The following TUSC3 variants were observed in gnomAD, a reference collection of about 807,000 sequenced individuals.
The protein encoded by TUSC3 is dolichyl-diphosphooligosaccharide--protein glycosyltransferase subunit TUSC3.
A neutral mutation model predicts 44.8 loss-of-function variants in TUSC3; 45 were observed. The ratio of observed to expected loss-of-function variants is 1.00; its 90% CI spans 0.79 to 1.29. The LOEUF is 1.29. TUSC3 is among the 50% of genes most tolerant of loss of function. TUSC3 has a pLI of 0.00. For missense variants in TUSC3, 519 were observed against 437.9 expected, an observed-to-expected ratio of 1.19 and a Z score of -1.65; for synonymous variants, 212 against 152.9, an observed-to-expected ratio of 1.39 and a Z score of -2.85.
intron 1 of TUSC3, among the ~76,000 whole-genome samples, chr8:15,420,307 G>C (rs1035022026): frequency 6.6e-6 from 1 of 151,976 alleles, no homozygotes; most frequent in African/African-American, 2.4e-5. Context: ...GACCAGCCTG[G>C]CCAACATGGG....
intron 6 of TUSC3, 35 bp from the exon 7 acceptor site, chr8:15,730,631 C>A (rs376749620): frequency 6.2e-7 from 1 of 1,603,896 alleles, no homozygotes; most frequent in Non-Finnish European, 8.5e-7. Flanking sequence ...ATGAGGCTTT[C>A]TCAGACTGTA....
At chr8:15,562,385 C>T (rs909094457) in intron 1 of TUSC3, among the ~76,000 whole-genome samples, 6 of 152,108 alleles carry the variant, frequency 3.9e-5, no homozygotes, top group African/African-American at 1.4e-4. Context: ...GATGAGTAAT[C>T]CACTTTAAGC....
chr8:15,433,927 T>C (rs1799911878), intron 1 of TUSC3, among the ~76,000 whole-genome samples: 1 of 152,210 alleles, frequency 6.6e-6, no homozygotes, highest in South Asian at 2.1e-4. Context: ...GAATATTTTG[T>C]ACAGAGCTTT....
intron 2 of TUSC3, among the ~76,000 whole-genome samples, chr8:15,515,871 A>G (rs932402604): frequency 4.0e-5 from 6 of 151,892 alleles, no homozygotes; most frequent in Admixed American, 2.0e-4. Flanking sequence ...GAGTTTCACC[A>G]TATTGGCCAG....
intron 1 of TUSC3, among the ~76,000 whole-genome samples, chr8:15,594,334 T>C (rs1043759947): frequency 6.6e-6 from 1 of 152,170 alleles, no homozygotes; most frequent in African/African-American, 2.4e-5. Flanking sequence ...TTAATGTGCT[T>C]GTCTGGTAAT....
intron 1 of TUSC3, among the ~76,000 whole-genome samples, chr8:15,617,138 ATTTT>A (rs71211064): frequency 0.29 from 25,871 of 88,640 alleles, 3,477 homozygotes; most frequent in Non-Finnish European, 0.41. Context: ...GTGTGTATAT[ATTTT>A]TTTTTTTTTT....
chr8:15,630,352 A>G (rs1330078956), intron 2 of TUSC3, among the ~76,000 whole-genome samples: 2 of 152,182 alleles, frequency 1.3e-5, no homozygotes, highest in East Asian at 3.8e-4. Context: ...ACATTGATAC[A>G]TTACATATTA....
At chr8:15,815,872 TTCCAGAATA>T in the TUSC3 span, among the ~76,000 whole-genome samples, 1 of 152,252 alleles carries the variant, frequency 6.6e-6, no homozygotes, top group South Asian at 2.1e-4. Context: ...CCAGGGAAAA[TTCCAGAATA>T]AATTATCATA....
chr8:15,756,445 A>T (rs892801922), intron 9 of TUSC3, among the ~76,000 whole-genome samples: 5 of 152,150 alleles, frequency 3.3e-5, no homozygotes, highest in African/African-American at 1.2e-4. Context: ...CAGCTATACT[A>T]GCCATTTCAG....
the TUSC3 span, chr8:15,807,330 A>G: frequency 4.7e-6 from 2 of 429,178 alleles, no homozygotes; most frequent in Admixed American, 7.3e-5. Context: ...AATCATCAAC[A>G]AAACCAAAAC....
At chr8:15,791,650 C>T in the TUSC3 span, among the ~76,000 whole-genome samples, 1 of 152,096 alleles carries the variant, frequency 6.6e-6, no homozygotes, top group Non-Finnish European at 1.5e-5. Context: ...AAATACAAAA[C>T]CATTTCCTTT....
upstream of TUSC3, among the ~76,000 whole-genome samples, chr8:15,537,896 A>T (rs1051174266): frequency 1.3e-5 from 2 of 152,250 alleles, no homozygotes; most frequent in African/African-American, 4.8e-5. Flanking sequence ...CCAAACAGAC[A>T]AAAGTTGAGG....
chr8:15,576,353 A>C (rs1338351055), intron 1 of TUSC3, among the ~76,000 whole-genome samples: 9 of 142,262 alleles, frequency 6.3e-5, no homozygotes, highest in South Asian at 4.4e-4. Flanking sequence ...GTACATGTGC[A>C]CATTGTGCAG....
chr8:15,597,255 C>T (rs528600581), intron 1 of TUSC3, among the ~76,000 whole-genome samples: 2 of 152,114 alleles, frequency 1.3e-5, no homozygotes, highest in African/African-American at 2.4e-5. Flanking sequence ...GATCTGTCTA[C>T]ACTGATTTTG....
the TUSC3 span, among the ~76,000 whole-genome samples, chr8:15,846,538 T>A: frequency 6.6e-6 from 1 of 152,074 alleles, no homozygotes; most frequent in Non-Finnish European, 1.5e-5. Flanking sequence ...TAAAAAAGGA[T>A]GAGTTCACGT....
chr8:15,674,791 T>C (rs536525167), intron 6 of TUSC3, among the ~76,000 whole-genome samples: 1 of 152,212 alleles, frequency 6.6e-6, no homozygotes, highest in East Asian at 1.9e-4. Flanking sequence ...TATATGTTTT[T>C]AAAATCTGGC....
downstream of TUSC3, among the ~76,000 whole-genome samples, chr8:15,769,883 G>A (rs867052818): frequency 1.3e-5 from 2 of 152,216 alleles, no homozygotes; most frequent in African/African-American, 4.8e-5. Flanking sequence ...TCTCTCGCCA[G>A]TTAGAATGGC....
intron 1 of TUSC3, among the ~76,000 whole-genome samples, chr8:15,617,370 C>G (rs886139023): frequency 3.3e-5 from 5 of 151,868 alleles, no homozygotes; most frequent in African/African-American, 1.2e-4. Flanking sequence ...GAACTCCTGA[C>G]CTCTTGATCT....
chr8:15,519,497 C>T (rs1305964075), intron 2 of TUSC3, among the ~76,000 whole-genome samples: 5 of 152,112 alleles, frequency 3.3e-5, no homozygotes, highest in Admixed American at 3.3e-4. Flanking sequence ...GGCCACACAG[C>T]AGGAGGTGAG....
Sources: allele counts gnomAD v4.1 joint callset (sites outside exome capture counted in the v4.1 genomes callset), GRCh38; gene constraint gnomAD v4.1.1; transcripts MANE v1.5; gene names NCBI Gene and HGNC (gene_info 2026-07-23, HGNC 2026-07-21).